The following TENM3 variants were observed in gnomAD, a reference collection of about 807,000 sequenced individuals.
The protein encoded by TENM3 is teneurin-3.
TENM3 carries 63 observed loss-of-function variants against 255.1 expected under a neutral mutation model. The observed-to-expected ratio is 0.25, with a 90% CI of 0.20 to 0.30. The LOEUF is 0.30. Among genes scored for constraint, TENM3 ranks in the 10% least tolerant of loss-of-function variants. The probability of loss-of-function intolerance (pLI) is 1.00; values close to 1 mark genes in which losing one functional copy is unlikely to be tolerated. For synonymous variants in TENM3, 1,306 were observed against 1,322.3 expected, an observed-to-expected ratio of 0.99 and a Z score of 0.27; for missense variants, 2,929 against 3,461.1, an observed-to-expected ratio of 0.85 and a Z score of 3.86.
intron 1 of TENM3, among the ~76,000 whole-genome samples, chr4:182,189,521 G>T (rs1416839722): frequency 1.3e-5 from 2 of 152,164 alleles, no homozygotes; most frequent in Admixed American, 6.5e-5. Context: ...AGACTGTGTA[G>T]CATCTGACCT....
chr4:181,880,043 T>C, the TENM3 span, among the ~76,000 whole-genome samples: 4 of 152,152 alleles, frequency 2.6e-5, no homozygotes, highest in African/African-American at 9.7e-5. Flanking sequence ...CCCTTCCTGT[T>C]CTCTGAAATA....
Position 182,799,175 on chromosome 4 carries a change from C to G in TENM3, c.7345-421C>G, listed in dbSNP as rs1416189306. On this transcript the variant is annotated intron_variant, in intron 27 of 27. Coordinates refer to ENST00000511685, the MANE Select transcript of TENM3 (RefSeq NM_001080477.4). The surrounding 1 kb of genome is among the most constrained non-coding windows in gnomAD (Gnocchi z 4.2). ...GGGCCCTGTGATCGGCACTAAGTATCCCCAGCCGTTCAGATCCCTCTCTGT... is the reference window on the plus strand; with the variant it reads ...GGGCCCTGTGATCGGCACTAAGTATGCCCAGCCGTTCAGATCCCTCTCTGT... 6.6e-6 allele frequency among the ~76,000 whole-genome samples: 1 copy of G among 152,164 alleles called. No individual in the cohort carries two copies. Among genetic ancestry groups the G allele is most frequent in the Non-Finnish European group, 1.5e-5 (1 of 68,028 alleles).
chr4:181,575,451 A>C, the TENM3 span, among the ~76,000 whole-genome samples: 1 of 152,206 alleles, frequency 6.6e-6, no homozygotes, highest in African/African-American at 2.4e-5. Flanking sequence ...AATAAAGTGT[A>C]ATCCCAAGTC....
the TENM3 span, among the ~76,000 whole-genome samples, chr4:181,653,495 C>T: frequency 2.0e-5 from 3 of 152,058 alleles, no homozygotes; most frequent in African/African-American, 7.2e-5. Flanking sequence ...CTGCAACTTC[C>T]ACCTCCCGGG....
At chr4:182,219,507 T>A (rs927752277) in intron 1 of TENM3, among the ~76,000 whole-genome samples, 4 of 151,302 alleles carry the variant, frequency 2.6e-5, no homozygotes, top group Non-Finnish European at 5.9e-5. Flanking sequence ...GTAGAAAAAA[T>A]TTAAAAAATT....
At chr4:182,336,192 C>T (rs1764127244) in intron 2 of TENM3, among the ~76,000 whole-genome samples, 1 of 152,166 alleles carries the variant, frequency 6.6e-6, no homozygotes, top group African/African-American at 2.4e-5. Flanking sequence ...TTCATTCAGA[C>T]ACAGATAACT....
chr4:182,532,273 T>A lies in TENM3; in HGVS notation c.512-68651T>A, dbSNP rs111994299. Among the ~76,000 whole-genome samples the A allele has an allele frequency of 7.4e-4, 112 of 152,316 alleles. 1 individual carries two copies. Among genetic ancestry groups the A allele is most frequent in the African/African-American group, 2.6e-3 (107 of 41,576 alleles). On this transcript the variant is annotated intron_variant, in intron 3 of 27. Transcript: ENST00000511685. ...TGCATACTCTCTCTGTACCTCCATT[T>A]CTGGTAATAAAACCTACCATTTTGA...
intron 1 of TENM3, among the ~76,000 whole-genome samples, chr4:182,286,927 G>T (rs992548336): frequency 6.6e-6 from 1 of 152,176 alleles, no homozygotes; most frequent in Non-Finnish European, 1.5e-5. Flanking sequence ...ACTGCCCACT[G>T]CTGTTAAAAT....
chr4:182,311,883 A>G (rs1321165848), intron 1 of TENM3, among the ~76,000 whole-genome samples: 1 of 152,192 alleles, frequency 6.6e-6, no homozygotes, highest in Non-Finnish European at 1.5e-5. Context: ...GCACTTTTTA[A>G]ATATGGAAAG....
intron 4 of TENM3, among the ~76,000 whole-genome samples, chr4:182,622,551 A>G (rs936040715): frequency 6.6e-6 from 1 of 152,218 alleles, no homozygotes; most frequent in Non-Finnish European, 1.5e-5. Context: ...TGAGAGTCCC[A>G]TAGGCTCAGA....
intron 3 of TENM3, among the ~76,000 whole-genome samples, chr4:182,531,230 A>T (rs1189803402): frequency 6.6e-6 from 1 of 152,210 alleles, no homozygotes; most frequent in Admixed American, 6.5e-5. Context: ...AAATGCTAAC[A>T]CTGTTTTGTT....
chr4:181,706,873 T>C, the TENM3 span, among the ~76,000 whole-genome samples: 1 of 152,232 alleles, frequency 6.6e-6, no homozygotes, highest in Non-Finnish European at 1.5e-5. Flanking sequence ...AGCTCATTTC[T>C]TCATTTGTGG....
At chr4:182,539,871 A>C (rs1416622476) in intron 3 of TENM3, among the ~76,000 whole-genome samples, 1 of 152,224 alleles carries the variant, frequency 6.6e-6, no homozygotes, top group East Asian at 1.9e-4. Flanking sequence ...GCTGTCTTCC[A>C]GACACCCACG....
chr4:182,725,635 T>C (rs1295964432), intron 13 of TENM3, among the ~76,000 whole-genome samples: 29 of 25,994 alleles, frequency 1.1e-3, no homozygotes, highest in African/African-American at 4.8e-3. Context: ...TTCTTTTTTT[T>C]CTTTTTTTTT....
chr4:181,508,269 T>G, the TENM3 span, among the ~76,000 whole-genome samples: 1 of 152,222 alleles, frequency 6.6e-6, no homozygotes, highest in Non-Finnish European at 1.5e-5. Context: ...TTTTACAGCC[T>G]CCCTCTGAGC....
the TENM3 span, among the ~76,000 whole-genome samples, chr4:182,087,658 G>A: frequency 3.8e-3 from 566 of 149,258 alleles, 1 homozygote; most frequent in Non-Finnish European, 6.1e-3. Context: ...TAGATGGATC[G>A]ACATTAATAC....
At chr4:182,744,252 T>C in intron 19 of TENM3, 1 of 812,470 alleles carries the variant, frequency 1.2e-6, no homozygotes, top group Non-Finnish European at 1.5e-6. Flanking sequence ...TCTAAGAATA[T>C]TTCATCATGA....
rs1427973526 is a variant in TENM3 at position 182,763,773 on chromosome 4, C to CAG, written c.4892+8515_4892+8516dup. ...ATTCCTAGAGAAGTCAAAAAATATT[C>CAG]AGGATGACTAAACCTCAAACCTTTA... is the stretch of plus-strand genomic sequence containing the variant. On this transcript the variant is annotated intron_variant, in intron 22 of 27. Transcript: ENST00000511685. 1.9e-3 allele frequency among the ~76,000 whole-genome samples: 295 copies of CAG among 152,248 alleles called. 3 individuals are homozygous for CAG. Among genetic ancestry groups the CAG allele is most frequent in the African/African-American group, 6.5e-3 (268 of 41,542 alleles).
At chr4:182,246,933 G>A (rs1333537056) in intron 1 of TENM3, among the ~76,000 whole-genome samples, 7 of 152,202 alleles carry the variant, frequency 4.6e-5, no homozygotes, top group Non-Finnish European at 1.0e-4. Context: ...TGGAGGGGAA[G>A]TTGATTGAGG....
Sources: allele counts gnomAD v4.1 joint callset (sites outside exome capture counted in the v4.1 genomes callset), GRCh38; gene constraint gnomAD v4.1.1; non-coding constraint Gnocchi (gnomAD v3.1); transcripts MANE v1.5; gene names NCBI Gene and HGNC (gene_info 2026-07-23, HGNC 2026-07-21).